KIF24: variants seen among roughly 807,000 people sequenced by gnomAD.
KIF24 encodes the protein kinesin family member 24.
KIF24 carries 81 observed loss-of-function variants against 118.9 expected under a neutral mutation model. That is an observed-to-expected ratio of 0.68 (90% CI 0.57 to 0.82). KIF24 has a LOEUF of 0.82. KIF24 is among the 40% of genes least tolerant of loss of function. The pLI is 0.00. For synonymous variants in KIF24, 599 were observed against 610.0 expected (o/e 0.98, Z 0.27); for missense variants, 1,560 against 1,661.6 (o/e 0.94, Z 1.06).
Position 34,255,988 on chromosome 9 carries a change from T to C in KIF24, c.3619A>G (p.Thr1207Ala), listed in dbSNP as rs774323637. 6.2e-7 allele frequency: 1 copy of C among 1,613,836 alleles called. No individual in the cohort carries two copies. The highest frequency in any genetic ancestry group is 8.5e-7 in the Non-Finnish European group (1 of 1,179,834). The change falls in exon 11 of 13, where the codon ACC becomes GCC. Residue 1207 changes from threonine to alanine, a missense_variant. Coordinates refer to ENST00000402558, the MANE Select transcript of KIF24 (RefSeq NM_194313.4). ...MGVPHSGPTLTPRTGSSDVAD... is the reference protein window; with the variant it reads ...MGVPHSGPTLAPRTGSSDVAD... The stretch of plus-strand genomic sequence containing the variant: ...ACATCACTACTTCCTGTTCGTGGGG[T>C]GAGTGTAGGTCCAGAATGGGGTACC...
intron 8 of KIF24, among the ~76,000 whole-genome samples, chr9:34,266,703 A>G (rs1006532515): frequency 1.4e-4 from 22 of 151,764 alleles, no homozygotes; most frequent in African/African-American, 4.8e-4. Flanking sequence ...AAAGAAAGAA[A>G]AAGAAAGAAA....
chr9:34,282,859 T>C (rs757507269), intron 6 of KIF24, among the ~76,000 whole-genome samples: 11 of 151,354 alleles, frequency 7.3e-5, no homozygotes, highest in Admixed American at 1.3e-4. Context: ...CGAGACTAGC[T>C]TGGACAACAT....
chr9:34,319,305 C>A, intron 1 of KIF24: 1 of 969,572 alleles, frequency 1.0e-6, no homozygotes, highest in Non-Finnish European at 1.7e-6. Flanking sequence ...AGAAGCCTGT[C>A]GCCATCTCCT....
chr9:34,265,674 A>T (rs1021410782), intron 8 of KIF24, among the ~76,000 whole-genome samples: 3 of 152,144 alleles, frequency 2.0e-5, no homozygotes, highest in African/African-American at 7.2e-5. Flanking sequence ...GAAAACTGCG[A>T]TAAAAATCTT....
rs778230391 is a variant in KIF24, at chr9:34,254,547, A to AGCTTTT, written c.3967-33_3967-28dup. 3.9e-5 allele frequency: 63 copies of AGCTTTT among 1,608,398 alleles called. No individual in the cohort carries two copies. In the African/African-American group the frequency reaches 7.3e-4, roughly 19 times the overall value. On this transcript the variant is annotated intron_variant, in intron 12 of 12. Coordinates refer to ENST00000402558, the MANE Select transcript of KIF24 (RefSeq NM_194313.4). Reference sequence around the variant, plus strand: ...TGAGAAGGAAACAAGGGACGAATACAGCTTTTGCTCTTGCTGGCGCTCTGC... The same window carrying AGCTTTT: ...TGAGAAGGAAACAAGGGACGAATACAGCTTTTGCTTTTGCTCTTGCTGGCGCTCTGC...
At chr9:34,259,830 C>A in intron 9 of KIF24, 125 bp from the exon 10 acceptor site, 2 of 619,522 alleles carry the variant, frequency 3.2e-6, no homozygotes, top group South Asian at 2.0e-5. Flanking sequence ...TTAACATTAA[C>A]AAAAGAAAAA....
At chr9:34,280,388 G>A (rs554933352) in intron 6 of KIF24, among the ~76,000 whole-genome samples, 1 of 151,096 alleles carries the variant, frequency 6.6e-6, no homozygotes, top group Non-Finnish European at 1.5e-5. Context: ...ACAGTCTAAA[G>A]GCAATGAAGA....
At position 34,256,569 on chromosome 9, in the gene KIF24, G is replaced by A. The variant is rs779937709; in HGVS notation, c.3038C>T (p.Ala1013Val). The part of the protein sequence containing the change: ...TVTTPLREVS[A>V]DGPIQVTSTV... ...GCTGGTCACCTGGATTGGGCCGTCTGCACTGACTTCTCTCAGAGGTGTGGT... is the reference window on the plus strand; with the variant it reads ...GCTGGTCACCTGGATTGGGCCGTCTACACTGACTTCTCTCAGAGGTGTGGT... Residue 1013 changes from alanine (A) to valine (V), a missense_variant, in exon 11 of 13, where the codon GCA becomes GTA. By Grantham distance (64) the Ala-to-Val change is moderately conservative (BLOSUM62 0). This residue lies in a region of KIF24 where 591 missense variants were observed against 655.6 expected (regional missense o/e 0.90). Coordinates refer to ENST00000402558, the MANE Select transcript of KIF24 (RefSeq NM_194313.4). 9.9e-6 allele frequency: 16 copies of A among 1,614,012 alleles called. No homozygotes were observed. The South Asian group carries it at 1.3e-4, about 13-fold the overall frequency.
chr9:34,319,455 C>T (rs765048843), intron 1 of KIF24: 3 of 1,260,282 alleles, frequency 2.4e-6, no homozygotes, highest in South Asian at 1.2e-5. Flanking sequence ...CAGCGTGTTC[C>T]ACGCCACCGC....
At chr9:34,295,198 C>T (rs376814738) in intron 4 of KIF24, among the ~76,000 whole-genome samples, 133 of 61,376 alleles carry the variant, frequency 2.2e-3, no homozygotes, top group African/African-American at 4.6e-3. Context: ...GATGGATAGA[C>T]AGACAGACAG....
intron 4 of KIF24, among the ~76,000 whole-genome samples, chr9:34,295,091 C>G (rs1422303061): frequency 6.6e-6 from 1 of 152,160 alleles, no homozygotes. Flanking sequence ...TTGGCATTTT[C>G]TATCATACAT....
chr9:34,299,234 G>T (rs1424481754), intron 3 of KIF24, among the ~76,000 whole-genome samples: 4 of 151,916 alleles, frequency 2.6e-5, no homozygotes, highest in African/African-American at 9.7e-5. Context: ...AGGCTGGAGT[G>T]CAGTGGCATG....
intron 1 of KIF24, among the ~76,000 whole-genome samples, chr9:34,320,426 G>A (rs1837479647): frequency 6.6e-6 from 1 of 151,576 alleles, no homozygotes; most frequent in Non-Finnish European, 1.5e-5. Context: ...GGGAAGCAGA[G>A]GCAAGCGGAT....
intron 6 of KIF24, among the ~76,000 whole-genome samples, chr9:34,281,450 T>C (rs547661359): frequency 6.6e-6 from 1 of 152,352 alleles, no homozygotes; most frequent in East Asian, 1.9e-4. Flanking sequence ...GTTAGCTATG[T>C]GATTCTGGGT....
chr9:34,256,872 G>A lies in KIF24; in HGVS notation c.2735C>T (p.Pro912Leu), dbSNP rs780835247. The A allele has an allele frequency of 1.2e-6, 2 of 1,613,982 alleles. No individual in the cohort carries two copies. The highest frequency in any genetic ancestry group is 1.7e-5 in the Admixed American group (1 of 60,022). ...GCTCCAGTCCACGGGCCCCTTACTT[G>A]GGCTGCAGCTGTGATCGAGTGCTGC... ...RRAALDHSCS[P>L]SKGPVDWSRE... The change falls in exon 11 of 13, where the codon CCA (proline) becomes CTA (leucine). Residue 912 changes from proline (P) to leucine (L), a missense_variant. This residue lies in a region of KIF24 where 591 missense variants were observed against 655.6 expected (regional missense o/e 0.90). Coordinates refer to ENST00000402558, the MANE Select transcript of KIF24 (RefSeq NM_194313.4).
intron 1 of KIF24, among the ~76,000 whole-genome samples, chr9:34,315,184 C>G (rs1438515127): frequency 6.6e-6 from 1 of 152,004 alleles, no homozygotes; most frequent in African/African-American, 2.4e-5. Flanking sequence ...AATTTTGAAA[C>G]TATGTGACTG....
At position 34,255,747 on chromosome 9, in the gene KIF24, AGGG is replaced by A. The variant is rs1834805177; in HGVS notation, c.3857_3859del (p.Thr1286_Leu1287delinsMet). 6.2e-7 allele frequency: 1 copy of A among 1,611,584 alleles called. No homozygotes were observed. Among genetic ancestry groups the A allele is most frequent in the Non-Finnish European group, 8.5e-7 (1 of 1,178,558 alleles). ...GTGTCCAACTTACTGCGCTTGCTCC[AGGG>A]TGGGCTGACGGAGTGTCCCTGCAGT... On this transcript the variant is annotated inframe_deletion, in exon 11 of 13. Transcript: ENST00000402558.
intron 1 of KIF24, chr9:34,319,259 C>A: frequency 2.4e-6 from 3 of 1,244,964 alleles, no homozygotes; most frequent in Non-Finnish European, 3.6e-6. Context: ...AAGCTGGTAA[C>A]CAAAGAGCAG....
intron 5 of KIF24, among the ~76,000 whole-genome samples, chr9:34,288,370 C>T (rs1327658216): frequency 6.6e-6 from 1 of 151,964 alleles, no homozygotes; most frequent in Non-Finnish European, 1.5e-5. Context: ...TACCTGTAGT[C>T]CCAGTTACCT....
Sources: gnomAD v4.1 joint callset for allele counts (sites outside exome capture counted in the v4.1 genomes callset) on GRCh38, gnomAD v4.1.1 for gene constraint, gnomAD v4.1.1 regional missense constraint, MANE v1.5 for transcripts, NCBI Gene and HGNC (gene_info 2026-07-23, HGNC 2026-07-21) for gene names.